The following PDGFRB variants were observed in gnomAD, a reference collection of about 807,000 sequenced individuals.
PDGFRB encodes the protein platelet derived growth factor receptor beta.
A neutral mutation model predicts 120.2 loss-of-function variants in PDGFRB; 42 were observed. That is an observed-to-expected ratio of 0.35 (90% confidence interval 0.27 to 0.45). The LOEUF is 0.45. PDGFRB is among the 20% of genes least tolerant of loss of function. The pLI is 1.00. For missense variants in PDGFRB, 1,149 were observed against 1,476.3 expected (o/e 0.78, Z 3.63); for synonymous variants, 586 against 606.8 (o/e 0.97, Z 0.50).
chr5:150,146,302 C>T (rs1297147418), intron 1 of PDGFRB, among the ~76,000 whole-genome samples: 1 of 152,220 alleles, frequency 6.6e-6, no homozygotes, highest in African/African-American at 2.4e-5. Context: ...TGATCCCCCC[C>T]AATCTGGAAA....
At position 150,135,799 on chromosome 5, in the gene PDGFRB, T is replaced by C. The variant is rs1744555196; in HGVS notation, c.120A>G (p.Pro40=). The C allele has an allele frequency of 3.8e-6, 6 of 1,598,388 alleles. No homozygotes were observed. In the African/African-American group the frequency reaches 4.0e-5, roughly 11 times the overall value. The change falls in exon 3 of 23, where the codon CCA becomes CCG. Residue 40 remains proline (P), a synonymous_variant. Transcript: ENST00000261799. ...SQGLVVTPPG[P]ELVLNVSSTF... is the part of the protein sequence containing the mutation. ...TGCTGGAGACATTGAGGACAAGCTC[T>C]GGCCCCGGGGGTGTGACGACCAGGC...
intron 1 of PDGFRB, among the ~76,000 whole-genome samples, chr5:150,138,914 G>T (rs139405930): frequency 2.2e-3 from 341 of 152,364 alleles, no homozygotes; most frequent in African/African-American, 7.9e-3. Context: ...TGGCCACACT[G>T]TTTATTATTC....
chr5:150,126,133 A>C (rs1197139581), intron 11 of PDGFRB, among the ~76,000 whole-genome samples: 2 of 152,258 alleles, frequency 1.3e-5, no homozygotes, highest in African/African-American at 4.8e-5. Context: ...CACTGAAATT[A>C]CAGACTAATA....
rs769978493 is a variant in PDGFRB at position 150,118,776 on chromosome 5, C to T, written c.2875G>A (p.Glu959Lys). 3.1e-6 allele frequency: 5 copies of T among 1,612,900 alleles called. No individual in the cohort carries two copies. Among genetic ancestry groups the T allele is most frequent in the Non-Finnish European group, 4.2e-6 (5 of 1,178,906 alleles). The change falls in exon 21 of 23, where the codon GAG (glutamate) becomes AAG (lysine). Residue 959 changes from glutamate to lysine, a missense_variant. Around this residue, in one of 3 missense-constraint regions of PDGFRB, gnomAD observed 202 missense variants for 214.3 expected, o/e 0.94. Transcript: ENST00000261799. Reference sequence around the variant, plus strand: ...TTGTAACCTTCGCCCAACAGTCTCTCGAGAAGCAGCACCAGCTGGGAGAAG... The same window carrying T: ...TTGTAACCTTCGCCCAACAGTCTCTTGAGAAGCAGCACCAGCTGGGAGAAG... ...PPFSQLVLLL[E>K]RLLGEGYKKK...
intron 1 of PDGFRB, among the ~76,000 whole-genome samples, chr5:150,141,869 G>C (rs1423988007): frequency 6.6e-6 from 1 of 152,124 alleles, no homozygotes; most frequent in South Asian, 2.1e-4. Flanking sequence ...AGGATAGGGA[G>C]GGTCTGTGGG....
chr5:150,118,128 C>A (rs1367188643), intron 21 of PDGFRB, among the ~76,000 whole-genome samples: 1 of 152,194 alleles, frequency 6.6e-6, no homozygotes. Flanking sequence ...CAGGCACAGG[C>A]TCTCATGCTG....
chr5:150,146,705 C>T (rs377582350), intron 1 of PDGFRB, among the ~76,000 whole-genome samples: 3 of 152,156 alleles, frequency 2.0e-5, no homozygotes, highest in Non-Finnish European at 4.4e-5. Context: ...ACTACAGGTG[C>T]GCATCACCAC....
chr5:150,126,154 G>A (rs1416842129), intron 11 of PDGFRB, among the ~76,000 whole-genome samples: 1 of 152,222 alleles, frequency 6.6e-6, no homozygotes, highest in Non-Finnish European at 1.5e-5. Context: ...GGATCAGAAT[G>A]CATTTCAGTA....
intron 14 of PDGFRB, among the ~76,000 whole-genome samples, chr5:150,123,546 G>T (rs1252860076): frequency 6.6e-6 from 1 of 152,150 alleles, no homozygotes; most frequent in Admixed American, 6.5e-5. Context: ...TTACTTTGGA[G>T]CCCAGTATAG....
chr5:150,127,456 C>T (rs181146867), intron 10 of PDGFRB, among the ~76,000 whole-genome samples: 2 of 152,326 alleles, frequency 1.3e-5, no homozygotes, highest in Non-Finnish European at 2.9e-5. Context: ...GCTATAACCT[C>T]AGTCCCTAAA....
chr5:150,133,847 C>A (rs770760267), intron 5 of PDGFRB, 34 bp downstream of exon 5: 53 of 1,613,480 alleles, frequency 3.3e-5, no homozygotes, highest in Admixed American at 1.0e-4. Flanking sequence ...CCGTTCCTGG[C>A]CCCTCCTCCG....
At position 150,124,848 on chromosome 5, in the gene PDGFRB, C is replaced by G. The variant is rs779421561; in HGVS notation, c.1808-17G>C. The G allele has an allele frequency of 4.3e-6, 6 of 1,382,232 alleles. No individual in the cohort carries two copies. The South Asian group carries it at 7.1e-5, about 16-fold the overall frequency. 85.6% of individuals were successfully genotyped at this position (1,382,232 alleles called of 1,614,324 possible). ...GGGTGCGTCCTGGTGCAGAGATGAT[C>G]CATTAGCTCCTGGCCTACCAGGAAG... On this transcript the variant is annotated splice_polypyrimidine_tract_variant and intron_variant, in intron 12 of 22. Transcript: ENST00000261799.
intron 8 of PDGFRB, among the ~76,000 whole-genome samples, chr5:150,131,498 C>G (rs1222473110): frequency 6.6e-6 from 1 of 152,182 alleles, no homozygotes; most frequent in Non-Finnish European, 1.5e-5. Context: ...CTTCCCTACC[C>G]GGCCCCTGTT....
chr5:150,123,519 T>C (rs139277177), intron 14 of PDGFRB, among the ~76,000 whole-genome samples: 7 of 152,348 alleles, frequency 4.6e-5, no homozygotes, highest in South Asian at 2.1e-4. Flanking sequence ...CTTATTGATA[T>C]GTTTTCAAAC....
Position 150,135,741 on chromosome 5 carries a change from C to A in PDGFRB, c.178G>T (p.Val60Leu), listed in dbSNP as rs1478236512. The A allele has an allele frequency of 6.2e-7, 1 of 1,614,140 alleles. No homozygotes were observed. The highest frequency in any genetic ancestry group is 8.5e-7 in the Non-Finnish European group (1 of 1,179,998). The change falls in exon 3 of 23, where the codon GTG (valine) becomes TTG (leucine). Residue 60 changes from valine to leucine, a missense_variant. Around this residue, in one of 3 missense-constraint regions of PDGFRB, gnomAD observed 879 missense variants for 1,108.6 expected, o/e 0.79. Transcript: ENST00000261799. ...TCCTGGGACATCCGTTCCCACACCACCGGAGCTGAACCCGAGCAGGTCAGA... is the reference window on the plus strand; with the variant it reads ...TCCTGGGACATCCGTTCCCACACCAACGGAGCTGAACCCGAGCAGGTCAGA... The part of the protein sequence containing the change: ...FVLTCSGSAP[V>L]VWERMSQEPP...
At chr5:150,123,226 A>G (rs371336230) in intron 14 of PDGFRB, 25 bp from the exon 15 acceptor site, 2 of 1,599,790 alleles carry the variant, frequency 1.3e-6, no homozygotes, top group African/African-American at 2.7e-5. Flanking sequence ...GCTCAGGGAC[A>G]GTCCCTATGG....
In PDGFRB at chr5:150,132,310, TG is replaced by T. The variant is rs879420391; in HGVS notation, c.1128-217del. ...AGGGAGGGTTGAGATGAACTGTGGG[TG>T]GGGGTGGGGAGCATTGAAGGAAAGT... On this transcript the variant is annotated intron_variant, in intron 7 of 22. Coordinates refer to ENST00000261799, the MANE Select transcript of PDGFRB (RefSeq NM_002609.4). The surrounding 1 kb of genome is among the most constrained non-coding windows in gnomAD (Gnocchi z 5.0). Among the ~76,000 whole-genome samples, 76 of 152,102 alleles carry T rather than the reference TG, an allele frequency of 5.0e-4. No individual in the cohort carries two copies. The Middle Eastern group carries it at 0.014, about 27-fold the overall frequency.
rs755821895 is a variant in PDGFRB at position 150,115,760 on chromosome 5, C to A, written c.*3G>T. ...CAGGCAGGGCAGGGTAGGGGCCAGCCCCCTACAGGAAGCTATCCTCTGCTT... is the reference window on the plus strand; with the variant it reads ...CAGGCAGGGCAGGGTAGGGGCCAGCACCCTACAGGAAGCTATCCTCTGCTT... On this transcript the variant is annotated 3_prime_UTR_variant, in exon 23 of 23. Transcript: ENST00000261799. The A allele has an allele frequency of 2.4e-5, 38 of 1,594,452 alleles. No homozygotes were observed. The highest frequency in any genetic ancestry group is 1.7e-5 in the Admixed American group (1 of 58,740).
intron 10 of PDGFRB, among the ~76,000 whole-genome samples, chr5:150,128,188 G>A (rs1188917873): frequency 6.6e-6 from 1 of 152,176 alleles, no homozygotes; most frequent in South Asian, 2.1e-4. Flanking sequence ...TCAGCTTCCC[G>A]CTCAGGCTTT....
Sources: gnomAD v4.1 joint callset for allele counts (sites outside exome capture counted in the v4.1 genomes callset) on GRCh38, gnomAD v4.1.1 for gene constraint, gnomAD v4.1.1 regional missense constraint, Gnocchi (gnomAD v3.1) non-coding constraint, MANE v1.5 for transcripts, NCBI Gene and HGNC (gene_info 2026-07-23, HGNC 2026-07-21) for gene names.